Variants in TACC1 observed in about 807,000 individuals in gnomAD.
TACC1 encodes transforming acidic coiled-coil-containing protein 1.
In TACC1, 48 loss-of-function variants were observed where a neutral mutation model predicts 84.4. The ratio of observed to expected loss-of-function variants is 0.57; its 90% CI spans 0.45 to 0.72. The LOEUF (loss-of-function observed/expected upper bound fraction) is 0.72, where lower values mean the gene tolerates loss of function less well. Ranked by LOEUF, TACC1 falls within the 30% of genes least tolerant of loss-of-function variation. The pLI, the probability that TACC1 is intolerant of heterozygous loss-of-function variation, is 0.00. For missense variants in TACC1, 920 were observed against 973.0 expected (o/e 0.95, Z 0.72); for synonymous variants, 372 against 376.3 (o/e 0.99, Z 0.13).
chr8:38,767,755 C>T (rs1239543578), intron 3 of TACC1, among the ~76,000 whole-genome samples: 3 of 152,070 alleles, frequency 2.0e-5, no homozygotes, highest in Non-Finnish European at 4.4e-5. Context: ...ATTTATAGTA[C>T]CCGTAGGATA....
Position 38,843,382 on chromosome 8 carries a change from G to A in TACC1, c.2215G>A (p.Glu739Lys), listed in dbSNP as rs531883381. ...CCAGGCCCTGAAAATCCACGCAGAA[G>A]AGAAACTGGACAAGTAAGAGCTTGT... Reference protein sequence around the residue: ...RYQALKIHAEEKLDKANEEIA... With the variant: ...RYQALKIHAEKKLDKANEEIA... The change falls in exon 11 of 13, where the codon GAG (glutamate) becomes AAG (lysine). Residue 739 changes from glutamate (E) to lysine (K), a missense_variant. This residue lies in a region of TACC1 where 158 missense variants were observed against 225.6 expected (regional missense o/e 0.70). Coordinates refer to ENST00000317827, the MANE Select transcript of TACC1 (RefSeq NM_006283.3). 1.9e-6 allele frequency: 3 copies of A among 1,606,370 alleles called. No individual in the cohort carries two copies. The highest frequency in any genetic ancestry group is 4.5e-5 in the East Asian group (2 of 44,486).
At chr8:38,845,451 A>AT (rs1458557316) in intron 11 of TACC1, among the ~76,000 whole-genome samples, 1 of 152,168 alleles carries the variant, frequency 6.6e-6, no homozygotes, top group Non-Finnish European at 1.5e-5. Flanking sequence ...AAATACTATG[A>AT]TTTTGAACTA....
In TACC1 at chr8:38,824,932, C is replaced by T. The variant is rs1827696601; in HGVS notation, c.1392-376C>T. ...GCGTGATGATTTTTCTAATGAATGT[C>T]AAAGCCAAGCGAGTGAGGCTCAGAG... On this transcript the variant is annotated intron_variant, in intron 3 of 12. Transcript: ENST00000317827. Among the ~76,000 whole-genome samples the T allele has an allele frequency of 2.0e-5, 3 of 152,140 alleles. No individual in the cohort carries two copies. The South Asian group carries it at 6.2e-4, about 32-fold the overall frequency.
chr8:38,843,139 A>T (rs1438566540), intron 10 of TACC1, 150 bp from the exon 11 acceptor site: 3 of 494,654 alleles, frequency 6.1e-6, no homozygotes, highest in Non-Finnish European at 1.1e-5. Flanking sequence ...TGAGAATTAC[A>T]TGTGGCTATT....
intron 3 of TACC1, among the ~76,000 whole-genome samples, chr8:38,755,445 G>A (rs1299387645): frequency 6.6e-6 from 1 of 152,094 alleles, no homozygotes. Flanking sequence ...GCTTACACCT[G>A]TAGTCCCAGT....
intron 9 of TACC1, among the ~76,000 whole-genome samples, chr8:38,841,417 C>G (rs1831250697): frequency 6.6e-6 from 1 of 152,182 alleles, no homozygotes; most frequent in East Asian, 1.9e-4. Context: ...AAAAGAAGAA[C>G]ACTTGTTTAT....
chr8:38,788,935 A>G (rs1817982604), intron 2 of TACC1, 116 bp downstream of exon 2: 1 of 835,428 alleles, frequency 1.2e-6, no homozygotes. Context: ...TGACTAAGAA[A>G]GAGCTGTTTG....
intron 11 of TACC1, among the ~76,000 whole-genome samples, chr8:38,844,375 T>C (rs1361235700): frequency 1.3e-5 from 2 of 152,060 alleles, no homozygotes; most frequent in African/African-American, 4.8e-5. Flanking sequence ...GGTTTCACCA[T>C]GTTGGCCAGG....
chr8:38,788,127 G>A (rs1316614583), intron 1 of TACC1: 1 of 208,728 alleles, frequency 4.8e-6, no homozygotes, highest in Non-Finnish European at 9.6e-6. Context: ...GGCCCTTCCC[G>A]GGGCCCTACC....
chr8:38,767,062 CTGTGTAAATT>C (rs58400976), intron 3 of TACC1, among the ~76,000 whole-genome samples: 40,719 of 151,972 alleles, frequency 0.27, 5,920 homozygotes, highest in African/African-American at 0.34. Context: ...CAGAAGACCT[CTGTGTAAATT>C]TCCTGGGTTT....
chr8:38,761,717 G>A (rs916747393), intron 3 of TACC1, among the ~76,000 whole-genome samples: 1 of 152,162 alleles, frequency 6.6e-6, no homozygotes, highest in Non-Finnish European at 1.5e-5. Context: ...AATATTTGTT[G>A]TCATTAAAAG....
At chr8:38,751,697 C>G (rs1809065415) in intron 3 of TACC1, among the ~76,000 whole-genome samples, 1 of 152,010 alleles carries the variant, frequency 6.6e-6, no homozygotes, top group Non-Finnish European at 1.5e-5. Flanking sequence ...ACTTAACAGA[C>G]TATCATATAG....
chr8:38,790,530 T>A (rs757998339), intron 2 of TACC1, among the ~76,000 whole-genome samples: 3 of 152,244 alleles, frequency 2.0e-5, no homozygotes, highest in Non-Finnish European at 4.4e-5. Flanking sequence ...TCTGTTCCAG[T>A]ATCTGGCACT....
At chr8:38,790,827 A>C (rs1818473438) in intron 2 of TACC1, among the ~76,000 whole-genome samples, 1 of 152,190 alleles carries the variant, frequency 6.6e-6, no homozygotes, top group East Asian at 1.9e-4. Context: ...CCTAGGCTGC[A>C]TTTTGCCATT....
upstream of TACC1, among the ~76,000 whole-genome samples, chr8:38,786,757 G>T (rs1384811538): frequency 6.6e-6 from 1 of 151,914 alleles, no homozygotes; most frequent in African/African-American, 2.4e-5. Context: ...GAGATGAACA[G>T]GCTGAAATCC....
intron 3 of TACC1, among the ~76,000 whole-genome samples, chr8:38,776,506 C>T (rs1176304125): frequency 6.6e-6 from 1 of 152,200 alleles, no homozygotes; most frequent in East Asian, 1.9e-4. Context: ...AATGAGATAG[C>T]TTGGGGATGG....
In TACC1 at chr8:38,768,205, C is replaced by G. The variant is rs149023902; in HGVS notation, c.27-20499C>G. ...TTGACACCCCATTCCTTCTGCTGGT[C>G]GGGATCCTGCCTCTCAGGGGTGTGT... On this transcript the variant is annotated intron_variant, in intron 3 of 14. Coordinates refer to the TACC1 transcript ENST00000518415. 1.7e-3 allele frequency among the ~76,000 whole-genome samples: 261 copies of G among 152,256 alleles called. 1 individual carries two copies. Among genetic ancestry groups the G allele is most frequent in the African/African-American group, 6.0e-3 (249 of 41,540 alleles).
intron 10 of TACC1, 131 bp downstream of exon 10, chr8:38,842,578 G>A (rs1831476928): frequency 2.9e-6 from 3 of 1,029,906 alleles, no homozygotes; most frequent in East Asian, 2.5e-5. Flanking sequence ...TACTGGCCTT[G>A]TATCCTCTAT....
chr8:38,743,246 A>T (rs1213504581), intron 2 of TACC1, among the ~76,000 whole-genome samples: 1 of 152,202 alleles, frequency 6.6e-6, no homozygotes. Context: ...GCAAAGATGA[A>T]TTCAGAGTAA....
Sources: allele counts gnomAD v4.1 joint callset (sites outside exome capture counted in the v4.1 genomes callset), GRCh38; gene constraint gnomAD v4.1.1; regional missense constraint gnomAD v4.1.1; transcripts MANE v1.5; gene names NCBI Gene and HGNC (gene_info 2026-07-23, HGNC 2026-07-21).